Variants in BMERB1 observed in about 807,000 individuals in gnomAD.
BMERB1 encodes bMERB domain containing 1, also known as bMERB domain-containing protein 1.
In BMERB1, 12 loss-of-function variants were observed where a neutral mutation model predicts 23.6. The observed-to-expected ratio is 0.51, with a 90% CI of 0.33 to 0.82. The LOEUF (loss-of-function observed/expected upper bound fraction) is 0.82, where lower values mean the gene tolerates loss of function less well. Among genes scored for constraint, BMERB1 ranks in the 40% least tolerant of loss-of-function variants. The probability of loss-of-function intolerance (pLI) is 0.03; values close to 1 mark genes in which losing one functional copy is unlikely to be tolerated. For synonymous variants in BMERB1, 122 were observed against 96.6 expected (o/e 1.26, Z -1.54); for missense variants, 247 against 255.4 (o/e 0.97, Z 0.22).
chr16:15,442,516 C>T (rs1567447175), intron 1 of BMERB1, among the ~76,000 whole-genome samples: 2 of 152,186 alleles, frequency 1.3e-5, no homozygotes, highest in South Asian at 2.1e-4. Flanking sequence ...CATAACTTTG[C>T]TCATAACATT....
At position 15,575,742 on chromosome 16, in the gene BMERB1, C is replaced by T. The variant is rs996306028; in HGVS notation, c.305-5475C>T. On this transcript the variant is annotated intron_variant, in intron 3 of 5. Transcript: ENST00000300006. ...GTTTAAATACCCTCTAGAGGTTTCC[C>T]GTTGGCTACTTGGTGTACACCCTAT... Among the ~76,000 whole-genome samples, 9 of 152,064 alleles carry T rather than the reference C, an allele frequency of 5.9e-5. No homozygotes were observed. The East Asian group carries it at 1.5e-3, about 26-fold the overall frequency.
chr16:15,527,948 T>C (rs2051926201), intron 2 of BMERB1, among the ~76,000 whole-genome samples: 1 of 152,120 alleles, frequency 6.6e-6, no homozygotes, highest in Non-Finnish European at 1.5e-5. Context: ...TTTTACCTCC[T>C]AAAATAATGC....
intron 2 of BMERB1, among the ~76,000 whole-genome samples, chr16:15,530,667 T>C (rs1280096117): frequency 6.6e-6 from 1 of 152,124 alleles, no homozygotes; most frequent in African/African-American, 2.4e-5. Context: ...CCATATGTCA[T>C]GAGAGGGACC....
rs182791242 is a variant in BMERB1, at chr16:15,584,568, A to G, written c.502+1330A>G. Among the ~76,000 whole-genome samples the G allele has an allele frequency of 5.1e-4, 78 of 151,834 alleles. No individual in the cohort carries two copies. The East Asian group carries it at 0.014, about 27-fold the overall frequency. On this transcript the variant is annotated intron_variant, in intron 5 of 5. Coordinates refer to ENST00000300006, the MANE Select transcript of BMERB1 (RefSeq NM_033201.3). The stretch of plus-strand genomic sequence containing the variant: ...GCAAGACTCCATCTCAAAAAAAAAA[A>G]AAAGAAAGAAAGAAAAGAAATGGAT...
chr16:15,583,897 A>C (rs1339198603), intron 5 of BMERB1: 4 of 648,892 alleles, frequency 6.2e-6, no homozygotes, highest in Non-Finnish European at 8.3e-6. Flanking sequence ...GAACTCTGCA[A>C]ACTACGTACC....
chr16:15,459,220 G>T (rs1323450080), intron 1 of BMERB1, among the ~76,000 whole-genome samples: 1 of 151,682 alleles, frequency 6.6e-6, no homozygotes, highest in East Asian at 1.9e-4. Context: ...TAACAAAAAA[G>T]ACATGAAGGA....
chr16:15,529,132 C>A (rs2051942059), intron 2 of BMERB1, among the ~76,000 whole-genome samples: 1 of 152,300 alleles, frequency 6.6e-6, no homozygotes, highest in African/African-American at 2.4e-5. Context: ...TCACGCCATT[C>A]TCCTGCCTCA....
At chr16:15,452,346 G>GAGAGAA (rs2051050342) in intron 1 of BMERB1, among the ~76,000 whole-genome samples, 2 of 151,154 alleles carry the variant, frequency 1.3e-5, no homozygotes, top group Non-Finnish European at 3.0e-5. Context: ...GAGAGAGAGA[G>GAGAGAA]AGAGAGAGAA....
intron 1 of BMERB1, among the ~76,000 whole-genome samples, chr16:15,441,177 T>TA (rs980213324): frequency 4.2e-4 from 64 of 152,306 alleles, no homozygotes; most frequent in African/African-American, 1.5e-3. Flanking sequence ...GAGAAACTGC[T>TA]AAAAAATTTT....
rs575049941 is a variant in BMERB1 at position 15,511,502 on chromosome 16, T to C, written c.107-3803T>C. Among the ~76,000 whole-genome samples the C allele has an allele frequency of 6.6e-5, 10 of 152,260 alleles. No homozygotes were observed. In the South Asian group the frequency reaches 2.1e-3, roughly 32 times the overall value. On this transcript the variant is annotated intron_variant, in intron 1 of 5. Transcript: ENST00000300006. Reference sequence around the variant, plus strand: ...TTCAGTGACCCCCTCTCCAACCCAATAGCAGATTCTGCACTATTTATGTTC... The same window carrying C: ...TTCAGTGACCCCCTCTCCAACCCAACAGCAGATTCTGCACTATTTATGTTC...
chr16:15,565,711 G>C (rs1460113026), intron 2 of BMERB1, among the ~76,000 whole-genome samples: 1 of 152,140 alleles, frequency 6.6e-6, no homozygotes, highest in African/African-American at 2.4e-5. Flanking sequence ...AAAAAAGTAT[G>C]AGCTGGGCAT....
At chr16:15,480,627 T>G (rs2051312000) in intron 1 of BMERB1, among the ~76,000 whole-genome samples, 1 of 139,846 alleles carries the variant, frequency 7.2e-6, no homozygotes, top group African/African-American at 2.7e-5. Context: ...TTTTTTTTTT[T>G]TTTTGAGACA....
chr16:15,586,075 T>A (rs200617868), intron 5 of BMERB1, among the ~76,000 whole-genome samples: 1 of 152,192 alleles, frequency 6.6e-6, no homozygotes, highest in South Asian at 2.1e-4. Context: ...AATTTTTTTT[T>A]ATCAATAAAG....
At chr16:15,493,105 C>A (rs1283313676) in intron 1 of BMERB1, among the ~76,000 whole-genome samples, 2 of 152,120 alleles carry the variant, frequency 1.3e-5, no homozygotes, top group African/African-American at 4.8e-5. Context: ...GTAATCCCAG[C>A]ACTTTGGGAG....
At chr16:15,490,599 G>C (rs2051411447) in intron 1 of BMERB1, among the ~76,000 whole-genome samples, 1 of 152,168 alleles carries the variant, frequency 6.6e-6, no homozygotes, top group Non-Finnish European at 1.5e-5. Context: ...TGCTACTTTA[G>C]ACCCCACTTT....
intron 2 of BMERB1, among the ~76,000 whole-genome samples, chr16:15,527,329 G>A (rs2051919538): frequency 6.6e-6 from 1 of 152,196 alleles, no homozygotes; most frequent in Non-Finnish European, 1.5e-5. Flanking sequence ...ATCAGGCCAG[G>A]CGCTGTGGCT....
At chr16:15,436,138 G>A (rs147872018) in intron 1 of BMERB1, among the ~76,000 whole-genome samples, 6 of 151,962 alleles carry the variant, frequency 3.9e-5, no homozygotes, top group East Asian at 3.9e-4. Flanking sequence ...TCACATCAGG[G>A]TAAACGGGGT....
At chr16:15,515,819 TTCAGTTCCC>T (rs2051744950) in intron 2 of BMERB1, among the ~76,000 whole-genome samples, 1 of 152,072 alleles carries the variant, frequency 6.6e-6, no homozygotes, top group African/African-American at 2.4e-5. Flanking sequence ...CTCTCTGAAT[TTCAGTTCCC>T]TCATTTCTAA....
Position 15,452,149 on chromosome 16 carries a change from C to T in BMERB1, c.106+17390C>T, listed in dbSNP as rs2051047451. On this transcript the variant is annotated intron_variant, in intron 1 of 5. Transcript: ENST00000300006. ...TTCTAAAAATTATCCAGTCATGGGG[C>T]GTGCACCTGTAGTCCTAGCTACTTG... Among the ~76,000 whole-genome samples the T allele has an allele frequency of 4.0e-5, 6 of 151,610 alleles. No individual in the cohort carries two copies. In the South Asian group the frequency reaches 6.3e-4, roughly 16 times the overall value.
Sources: allele counts gnomAD v4.1 joint callset (sites outside exome capture counted in the v4.1 genomes callset), GRCh38; gene constraint gnomAD v4.1.1; transcripts MANE v1.5; gene names NCBI Gene and HGNC (gene_info 2026-07-23, HGNC 2026-07-21).